NXN: variants seen among roughly 807,000 people sequenced by gnomAD.
NXN encodes the protein nucleoredoxin 1.
Under a neutral mutation model 48.6 loss-of-function variants are expected in NXN, and 16 were observed. That is an observed-to-expected ratio of 0.33 (90% CI 0.22 to 0.50). NXN has a LOEUF of 0.50. NXN is among the 20% of genes least tolerant of loss of function. The pLI is 0.98. For missense variants in NXN, 492 were observed against 605.5 expected (o/e 0.81, Z 1.97); for synonymous variants, 281 against 269.6 (o/e 1.04, Z -0.41).
At position 892,430 on chromosome 17, in the gene NXN, C is replaced by A. The variant is rs141555261; in HGVS notation, c.361-66352G>T. Among the ~76,000 whole-genome samples, 488 of 152,256 alleles carry A rather than the reference C, an allele frequency of 3.2e-3. 3 individuals carry two copies. The highest frequency in any genetic ancestry group is 0.011 in the African/African-American group (464 of 41,536). On this transcript the variant is annotated intron_variant, in intron 1 of 7. Transcript: ENST00000336868. ...TCTCACTTACAGCTGACCCTCTTCC[C>A]AGGACTCTCCAAATCCACCTGGTGC...
chr17:903,671 G>A (rs2068557104), intron 1 of NXN, among the ~76,000 whole-genome samples: 1 of 152,124 alleles, frequency 6.6e-6, no homozygotes, highest in Non-Finnish European at 1.5e-5. Context: ...GCGTGAGCCA[G>A]GACACCCAGC....
intron 1 of NXN, among the ~76,000 whole-genome samples, chr17:925,482 G>A (rs1346158152): frequency 6.6e-6 from 1 of 152,150 alleles, no homozygotes; most frequent in Non-Finnish European, 1.5e-5. Flanking sequence ...TCCGCCTCCC[G>A]GGTTCAAGCG....
At chr17:821,809 C>G (rs549742476) in intron 4 of NXN, among the ~76,000 whole-genome samples, 79 of 152,242 alleles carry the variant, frequency 5.2e-4, no homozygotes, top group Admixed American at 1.8e-3. Context: ...TTACATTCGT[C>G]TCTGGCTCTT....
At chr17:814,801 T>C (rs543106166) in intron 5 of NXN, among the ~76,000 whole-genome samples, 1 of 151,932 alleles carries the variant, frequency 6.6e-6, no homozygotes, top group Admixed American at 6.5e-5. Context: ...ATTTCACTCT[T>C]GTCACCCAGG....
At chr17:867,282 C>T (rs2068104039) in intron 1 of NXN, among the ~76,000 whole-genome samples, 1 of 66,224 alleles carries the variant, frequency 1.5e-5, no homozygotes. Context: ...CGGGGTTCTC[C>T]GGGGAATCCT....
intron 1 of NXN, among the ~76,000 whole-genome samples, chr17:887,354 C>G (rs1330193366): frequency 6.6e-6 from 1 of 152,146 alleles, no homozygotes; most frequent in Admixed American, 6.6e-5. Flanking sequence ...CACAAGGCAG[C>G]GTCCGATTCA....
intron 1 of NXN, chr17:842,522 C>A (rs1300687303): frequency 1.0e-6 from 1 of 985,300 alleles, no homozygotes; most frequent in African/African-American, 1.7e-5. Context: ...ACATGCAACC[C>A]ACCTTCGAAG....
intron 1 of NXN, among the ~76,000 whole-genome samples, chr17:927,580 C>CAAAAA (rs71371593): frequency 6.8e-5 from 8 of 117,612 alleles, no homozygotes; most frequent in African/African-American, 1.7e-4. Flanking sequence ...AACCTTGTCT[C>CAAAAA]AAAAAAAAAA....
intron 5 of NXN, among the ~76,000 whole-genome samples, chr17:812,773 GGT>G (rs763182163): frequency 1.3e-3 from 192 of 145,656 alleles, no homozygotes; most frequent in African/African-American, 4.6e-3. Context: ...TGTGAGTGTA[GGT>G]GTGTGCATGT....
intron 1 of NXN, among the ~76,000 whole-genome samples, chr17:842,211 TTCA>T (rs1283030587): frequency 6.6e-6 from 1 of 152,174 alleles, no homozygotes; most frequent in African/African-American, 2.4e-5. Context: ...AACCCGCCAC[TTCA>T]TCAAGGAAAG....
Position 804,971 on chromosome 17 carries a change from A to G in NXN, c.1000+97T>C, listed in dbSNP as rs1208777099. On this transcript the variant is annotated intron_variant, in intron 6 of 7. Transcript: ENST00000336868. ...AAGGCCCAGGCTTGCACTGCTGGTG[A>G]CAGAGAGAAGCGGCAGGGACAGGCT... The G allele has an allele frequency of 2.3e-6, 3 of 1,318,120 alleles. No homozygotes were observed. The African/African-American group carries it at 4.4e-5, about 19-fold the overall frequency. The allele number at this position is 1,318,120 out of a possible 1,614,324, so 81.7% of individuals were successfully genotyped here. A position where few individuals can be genotyped will look rare whatever the true frequency, so the allele number is the denominator to read the frequency against.
chr17:805,027 C>A (rs930885108), intron 6 of NXN, 41 bp downstream of exon 6: 3 of 1,531,260 alleles, frequency 2.0e-6, no homozygotes, highest in Non-Finnish European at 2.7e-6. Flanking sequence ...CTGTCCCGCC[C>A]CCCAGCCACC....
In NXN at chr17:800,682, G is replaced by A. The variant is rs540002341; in HGVS notation, c.*267C>T. On this transcript the variant is annotated 3_prime_UTR_variant, in exon 8 of 8. Transcript: ENST00000336868. ...CTTCACCAAAAGCTAGTGACTTTGC[G>A]AAAGCCATGCAGCCCCGCTCTGGCC... is the stretch of plus-strand genomic sequence containing the variant. 4.6e-4 allele frequency: 136 copies of A among 293,298 alleles called. 1 individual carries two copies. Among genetic ancestry groups the A allele is most frequent in the African/African-American group, 2.5e-3 (114 of 46,314 alleles). 18.2% of individuals were successfully genotyped at this position (293,298 alleles called of 1,614,324 possible).
intron 6 of NXN, among the ~76,000 whole-genome samples, chr17:804,274 C>CTTTTT (rs11325268): frequency 1.1e-5 from 1 of 88,932 alleles, no homozygotes; most frequent in Non-Finnish European, 2.1e-5. Flanking sequence ...TGGTCAGCGG[C>CTTTTT]TTTTTTTTTT....
intron 1 of NXN, among the ~76,000 whole-genome samples, chr17:931,495 G>A (rs1022163045): frequency 1.3e-5 from 2 of 151,480 alleles, no homozygotes; most frequent in African/African-American, 4.9e-5. Flanking sequence ...ATAAGCCTAT[G>A]TATACTACTT....
intron 7 of NXN, among the ~76,000 whole-genome samples, 161 bp downstream of exon 7, chr17:803,521 G>A (rs187460308): frequency 1.3e-5 from 2 of 152,178 alleles, no homozygotes; most frequent in Non-Finnish European, 2.9e-5. Context: ...TTTCCATGGC[G>A]AATGGCTACC....
At chr17:884,283 G>C (rs977432891) in intron 1 of NXN, among the ~76,000 whole-genome samples, 2 of 150,828 alleles carry the variant, frequency 1.3e-5, no homozygotes, top group African/African-American at 2.5e-5. Flanking sequence ...CGTGCACCTA[G>C]AGTCCTAGCT....
rs1257084363 is a variant in NXN at position 961,250 on chromosome 17, C to T, written c.360+18069G>A. Among the ~76,000 whole-genome samples, 19 of 151,554 alleles carry T rather than the reference C, an allele frequency of 1.3e-4. 1 individual carries two copies. Among genetic ancestry groups the T allele is most frequent in the Admixed American group, 1.1e-3 (17 of 15,194 alleles). ...CTCTGCTAAAAATACAAAAATTAGC[C>T]GGGTGTGGTGGCGCGTGCCTGCCAC... On this transcript the variant is annotated intron_variant, in intron 1 of 7. Coordinates refer to ENST00000336868, the MANE Select transcript of NXN (RefSeq NM_022463.5).
At chr17:945,484 A>T (rs1164455452) in intron 1 of NXN, among the ~76,000 whole-genome samples, 1 of 151,158 alleles carries the variant, frequency 6.6e-6, no homozygotes, top group Non-Finnish European at 1.5e-5. Flanking sequence ...GAAAAAAATT[A>T]GCCGGGCGTG....
Sources: allele counts gnomAD v4.1 joint callset (sites outside exome capture counted in the v4.1 genomes callset), GRCh38; gene constraint gnomAD v4.1.1; transcripts MANE v1.5; gene names NCBI Gene and HGNC (gene_info 2026-07-23, HGNC 2026-07-21).